The following NRG3 variants were observed in gnomAD, a reference collection of about 807,000 sequenced individuals.
NRG3 encodes pro-neuregulin-3, membrane-bound isoform.
In NRG3, 31 loss-of-function variants were observed where a neutral mutation model predicts 66.9. The observed-to-expected ratio is 0.46, with a 90% CI of 0.35 to 0.63. The LOEUF (loss-of-function observed/expected upper bound fraction) is 0.63. Ranked by LOEUF, NRG3 falls within the 20% of genes least tolerant of loss-of-function variation. The pLI, the probability that NRG3 is intolerant of heterozygous loss-of-function variation, is 0.00. For missense variants in NRG3, 910 were observed against 878.9 expected (o/e 1.04, Z -0.45); for synonymous variants, 393 against 359.4 (o/e 1.09, Z -1.06).
intron 2 of NRG3, among the ~76,000 whole-genome samples, chr10:82,472,482 A>AT (rs1312247087): frequency 6.6e-6 from 1 of 152,186 alleles, no homozygotes; most frequent in Non-Finnish European, 1.5e-5. Context: ...ACCTTAAAAT[A>AT]TTTTTTATGA....
chr10:82,024,999 A>G (rs1193220463), intron 1 of NRG3, among the ~76,000 whole-genome samples: 2 of 152,126 alleles, frequency 1.3e-5, no homozygotes, highest in African/African-American at 4.8e-5. Context: ...TAAGTGAATC[A>G]GTTGAACATG....
chr10:82,983,232 A>G (rs1416194468), intron 8 of NRG3, among the ~76,000 whole-genome samples: 1 of 152,174 alleles, frequency 6.6e-6, no homozygotes, highest in Admixed American at 6.5e-5. Context: ...CTATATTTTC[A>G]TACATACAAA....
rs562160153 is a variant in NRG3 at position 82,050,054 on chromosome 10, T to C, written c.823+173891T>C. Among the ~76,000 whole-genome samples, 11 of 152,158 alleles carry C rather than the reference T, an allele frequency of 7.2e-5. No individual in the cohort carries two copies. The South Asian group carries it at 2.1e-3, about 29-fold the overall frequency. On this transcript the variant is annotated intron_variant, in intron 1 of 8. Transcript: ENST00000372141. ...TATGGTCTTCCTTTCCAGTGTTTTC[T>C]CTGAAACTTCAGTTCTGAACAGATA... is the stretch of plus-strand genomic sequence containing the variant.
At chr10:81,892,550 A>G (rs1005013772) in intron 1 of NRG3, among the ~76,000 whole-genome samples, 3 of 152,110 alleles carry the variant, frequency 2.0e-5, no homozygotes, top group Non-Finnish European at 4.4e-5. Flanking sequence ...GAAAGGCAAT[A>G]TTTCCTGTTA....
intron 4 of NRG3, among the ~76,000 whole-genome samples, chr10:82,918,650 A>G (rs148292054): frequency 3.8e-4 from 58 of 152,274 alleles, no homozygotes; most frequent in African/African-American, 1.3e-3. Flanking sequence ...TAACCGTTAA[A>G]GATGCCCAGT....
chr10:82,223,096 C>G (rs1224203688), intron 1 of NRG3, among the ~76,000 whole-genome samples: 1 of 152,138 alleles, frequency 6.6e-6, no homozygotes, highest in Non-Finnish European at 1.5e-5. Context: ...TAGCAATTCA[C>G]TAGGAAACAG....
intron 2 of NRG3, among the ~76,000 whole-genome samples, chr10:82,488,312 T>A (rs1435674914): frequency 6.6e-6 from 1 of 152,186 alleles, no homozygotes; most frequent in African/African-American, 2.4e-5. Context: ...TTTCCAAATG[T>A]GGAAACTGAG....
At chr10:82,679,170 G>A (rs1271926504) in intron 2 of NRG3, among the ~76,000 whole-genome samples, 1 of 152,142 alleles carries the variant, frequency 6.6e-6, no homozygotes, top group African/African-American at 2.4e-5. Flanking sequence ...AGATGCTCAG[G>A]AAGTGTTGGA....
chr10:82,398,065 G>A (rs113078137), intron 2 of NRG3, among the ~76,000 whole-genome samples: 3 of 152,188 alleles, frequency 2.0e-5, no homozygotes, highest in Non-Finnish European at 1.5e-5. Context: ...TTTAGGCAAT[G>A]GCATCTAATC....
At chr10:81,928,683 C>G (rs1044261602) in intron 1 of NRG3, among the ~76,000 whole-genome samples, 1 of 152,014 alleles carries the variant, frequency 6.6e-6, no homozygotes, top group Non-Finnish European at 1.5e-5. Context: ...TAAATGTCCA[C>G]CAATAGAGAA....
intron 2 of NRG3, among the ~76,000 whole-genome samples, chr10:82,734,916 G>A (rs1409454278): frequency 6.6e-6 from 1 of 151,706 alleles, no homozygotes; most frequent in East Asian, 1.9e-4. Flanking sequence ...TACTCAGGAG[G>A]CTGAGGCTGT....
At position 82,535,447 on chromosome 10, in the gene NRG3, A is replaced by G. The variant is rs890883719; in HGVS notation, c.953+176579A>G. Among the ~76,000 whole-genome samples, 3 of 152,068 alleles carry G rather than the reference A, an allele frequency of 2.0e-5. No individual in the cohort carries two copies. The East Asian group carries it at 5.8e-4, about 29-fold the overall frequency. On this transcript the variant is annotated intron_variant, in intron 2 of 8. Coordinates refer to ENST00000372141, the MANE Select transcript of NRG3 (RefSeq NM_001010848.4). The stretch of plus-strand genomic sequence containing the variant: ...CCACTCTCTATAGAAGAAAATATTT[A>G]AAGGGTTTTTGGTAAGTGAACATAA...
At chr10:81,964,312 C>T (rs1340436612) in intron 1 of NRG3, among the ~76,000 whole-genome samples, 1 of 145,136 alleles carries the variant, frequency 6.9e-6, no homozygotes, top group East Asian at 2.0e-4. Flanking sequence ...AGGAGAATCA[C>T]TTGAACCCGG....
At chr10:81,975,031 T>C (rs1323717458) in intron 1 of NRG3, among the ~76,000 whole-genome samples, 2 of 151,196 alleles carry the variant, frequency 1.3e-5, no homozygotes, top group South Asian at 4.2e-4. Context: ...TTGGAAACAA[T>C]GAGAAATCAT....
chr10:81,936,093 C>T (rs1564671776), intron 1 of NRG3, among the ~76,000 whole-genome samples: 1 of 152,108 alleles, frequency 6.6e-6, no homozygotes, highest in Non-Finnish European at 1.5e-5. Flanking sequence ...ATCTATTATA[C>T]TTCCTTGTGT....
chr10:82,066,193 A>G (rs997401195), intron 1 of NRG3, among the ~76,000 whole-genome samples: 21 of 152,152 alleles, frequency 1.4e-4, no homozygotes, highest in African/African-American at 5.1e-4. Flanking sequence ...ACTACCATAT[A>G]AAACAAATAT....
intron 1 of NRG3, among the ~76,000 whole-genome samples, chr10:82,175,026 A>C (rs2072924382): frequency 6.6e-6 from 1 of 152,160 alleles, no homozygotes; most frequent in Non-Finnish European, 1.5e-5. Context: ...CCATACATCC[A>C]GTCATCCAAG....
chr10:82,112,354 GA>G (rs1448324668), intron 1 of NRG3, among the ~76,000 whole-genome samples: 6 of 152,256 alleles, frequency 3.9e-5, no homozygotes, highest in African/African-American at 1.4e-4. Context: ...GTCTTCCAGA[GA>G]GGTGCATACT....
intron 1 of NRG3, among the ~76,000 whole-genome samples, chr10:82,089,750 G>T (rs1484112759): frequency 2.0e-5 from 3 of 152,202 alleles, no homozygotes; most frequent in African/African-American, 7.2e-5. Flanking sequence ...TTTGTAAAAA[G>T]ATATTATGCA....
Sources: allele counts gnomAD v4.1 joint callset (sites outside exome capture counted in the v4.1 genomes callset), GRCh38; gene constraint gnomAD v4.1.1; transcripts MANE v1.5; gene names NCBI Gene and HGNC (gene_info 2026-07-23, HGNC 2026-07-21).